The following SLC11A2 variants were observed in gnomAD, a reference collection of about 807,000 sequenced individuals.
The protein encoded by SLC11A2 is natural resistance-associated macrophage protein 2.
In SLC11A2, 38 loss-of-function variants were observed where a neutral mutation model predicts 68.0. That is an observed-to-expected ratio of 0.56 (90% CI 0.43 to 0.73). SLC11A2 has a LOEUF of 0.73. SLC11A2 is among the 30% of genes least tolerant of loss of function. SLC11A2 has a pLI of 0.00. For missense variants in SLC11A2, 517 were observed against 690.5 expected (o/e 0.75, Z 2.82); for synonymous variants, 242 against 250.6 (o/e 0.97, Z 0.32).
intron 2 of SLC11A2, among the ~76,000 whole-genome samples, chr12:51,009,553 A>G (rs896214039): frequency 1.3e-5 from 2 of 152,244 alleles, no homozygotes; most frequent in African/African-American, 4.8e-5. Context: ...GAGCTGACTC[A>G]TATCATCTTA....
At chr12:51,017,526 T>C (rs1462541573) in intron 1 of SLC11A2, among the ~76,000 whole-genome samples, 1 of 152,188 alleles carries the variant, frequency 6.6e-6, no homozygotes, top group Non-Finnish European at 1.5e-5. Context: ...AATGAGGTCA[T>C]GTGAAGGGAA....
At chr12:51,025,170 T>C (rs943396599) in intron 1 of SLC11A2, among the ~76,000 whole-genome samples, 2 of 152,092 alleles carry the variant, frequency 1.3e-5, no homozygotes, top group African/African-American at 2.4e-5. Context: ...CAATGGAAAG[T>C]ATAGGCCGGC....
downstream of SLC11A2, among the ~76,000 whole-genome samples, chr12:50,976,046 C>T (rs1338977186): frequency 6.6e-5 from 10 of 152,156 alleles, no homozygotes; most frequent in South Asian, 2.1e-4. Context: ...GATTCACAGC[C>T]GAATTCTACC....
At chr12:51,007,435 A>G (rs7977740) in intron 3 of SLC11A2, among the ~76,000 whole-genome samples, 68,810 of 151,602 alleles carry the variant, frequency 0.45, 16,904 homozygotes, top group Non-Finnish European at 0.56. Context: ...CCTAGGTTCA[A>G]GTGATTCTCC....
At position 50,992,178 on chromosome 12, in the gene SLC11A2, C is replaced by A; in HGVS notation, c.1347+12G>T. ...GAATAACTAGGATGTGTTTCCTCAG[C>A]TTCCTCCTCACCTGTAAGCTCTGTA... is the stretch of plus-strand genomic sequence containing the variant. On this transcript the variant is annotated intron_variant, in intron 13 of 15. Transcript: ENST00000262052. 1 of 1,613,798 alleles carries A rather than the reference C, an allele frequency of 6.2e-7. No individual in the cohort carries two copies.
At chr12:50,976,653 T>C (rs1475370845), downstream of SLC11A2, among the ~76,000 whole-genome samples, 2 of 152,092 alleles carry the variant, frequency 1.3e-5, no homozygotes, top group East Asian at 1.9e-4. Context: ...CCAGGGCAAT[T>C]AGGCAGGAGA....
rs1262844054 is a variant in SLC11A2, at chr12:50,991,644, G to T, written c.1376C>A (p.Thr459Lys). 6.2e-7 allele frequency: 1 copy of T among 1,613,816 alleles called. No homozygotes were observed. Among genetic ancestry groups the T allele is most frequent in the African/African-American group, 1.3e-5 (1 of 74,926 alleles). ...QLPFALIPILTFTSLRPVMSD... is the reference protein window; with the variant it reads ...QLPFALIPILKFTSLRPVMSD... ...CATTACTGGCCGCAAGCTCGTAAAT[G>T]TGAGGATGGGTATGAGAGCAAAGGG... is the stretch of plus-strand genomic sequence containing the variant. The change falls in exon 14 of 16, where the codon ACA becomes AAA. Residue 459 changes from threonine (T) to lysine (K), a missense_variant. Transcript: ENST00000262052.
chr12:50,964,639 G>A, the SLC11A2 span, among the ~76,000 whole-genome samples: 1 of 152,304 alleles, frequency 6.6e-6, no homozygotes, highest in East Asian at 1.9e-4. Context: ...TGTGGGCCCT[G>A]CCAGGTGAAA....
the SLC11A2 span, among the ~76,000 whole-genome samples, chr12:50,957,937 G>GGTGTGTGTGTGTGT: frequency 0.011 from 1,521 of 132,466 alleles, 30 homozygotes; most frequent in African/African-American, 0.019. Flanking sequence ...ATGAATTGGA[G>GGTGTGTGTGTGTGT]GTGTGTGTGT....
At chr12:50,959,627 AT>A in the SLC11A2 span, among the ~76,000 whole-genome samples, 1 of 151,508 alleles carries the variant, frequency 6.6e-6, no homozygotes, top group Non-Finnish European at 1.5e-5. Flanking sequence ...ATCTGGGTTT[AT>A]TTTTGTCGTT....
rs2239861 is a variant in SLC11A2 at position 51,020,746 on chromosome 12, T to C, written c.-39+5564A>G. 5.6e-3 allele frequency among the ~76,000 whole-genome samples: 859 copies of C among 152,260 alleles called. 4 individuals are homozygous for C. The highest frequency in any genetic ancestry group is 0.035 in the East Asian group (184 of 5,186). ...GTGCCTGTACTGAACATATACACCA[T>C]TTTTTTCTTGGTATTATTCCCTAAA... On this transcript the variant is annotated intron_variant, in intron 1 of 15. Coordinates refer to ENST00000262052, the MANE Select transcript of SLC11A2 (RefSeq NM_000617.3).
chr12:51,018,464 T>C (rs1943816194), intron 1 of SLC11A2, among the ~76,000 whole-genome samples: 1 of 150,526 alleles, frequency 6.6e-6, no homozygotes, highest in Non-Finnish European at 1.5e-5. Flanking sequence ...TATTAATATA[T>C]ACAACTTCAA....
At chr12:51,024,862 C>T (rs796066975) in intron 1 of SLC11A2, 50 of 152,264 alleles carry the variant, frequency 3.3e-4, no homozygotes, top group African/African-American at 1.1e-3. Context: ...CAGAAATTCC[C>T]CTCCCGAGTC....
At chr12:51,005,195 G>A (rs891775127) in intron 4 of SLC11A2, 116 bp downstream of exon 4, 3 of 1,146,482 alleles carry the variant, frequency 2.6e-6, no homozygotes, top group South Asian at 1.2e-5. Context: ...AAGAGCCACT[G>A]CCAATGAAGT....
intron 1 of SLC11A2, among the ~76,000 whole-genome samples, chr12:51,016,752 CAGG>C (rs1331673518): frequency 7.0e-6 from 1 of 143,782 alleles, no homozygotes; most frequent in Non-Finnish European, 1.5e-5. Context: ...GAGGCTGAGG[CAGG>C]AGAATTGCTT....
chr12:51,027,137 T>G (rs1229465671), upstream of SLC11A2, among the ~76,000 whole-genome samples: 1 of 151,244 alleles, frequency 6.6e-6, no homozygotes, highest in African/African-American at 2.4e-5. Context: ...ATCGCGCCAT[T>G]GCACTCCAGC....
the SLC11A2 span, among the ~76,000 whole-genome samples, chr12:50,973,047 T>C: frequency 1.2e-4 from 18 of 152,324 alleles, no homozygotes; most frequent in African/African-American, 4.3e-4. Flanking sequence ...CCTGCCTCTG[T>C]AGACTCCACC....
At chr12:50,993,212 AG>A (rs1407808932) in intron 11 of SLC11A2, 7 of 317,202 alleles carry the variant, frequency 2.2e-5, no homozygotes, top group African/African-American at 1.6e-4. Flanking sequence ...AAAAAAAAAA[AG>A]AGGTCTACAC....
At position 50,986,944 on chromosome 12, in the gene SLC11A2, A is replaced by G. The variant is rs142166519; in HGVS notation, c.*1381T>C. 330 of 1,287,246 alleles carry G rather than the reference A, an allele frequency of 2.6e-4. 1 individual carries two copies. In the African/African-American group the frequency reaches 4.2e-3, roughly 16 times the overall value. 79.7% of individuals were successfully genotyped at this position (1,287,246 alleles called of 1,614,324 possible). A position where few individuals can be genotyped will look rare whatever the true frequency, so the allele number is the denominator to read the frequency against. Reference sequence around the variant, plus strand: ...CTCTGGAAGGAAAGCTCCAAAAATGAGAAGTCCTTCAACACCATTTTCCAT... The same window carrying G: ...CTCTGGAAGGAAAGCTCCAAAAATGGGAAGTCCTTCAACACCATTTTCCAT... On this transcript the variant is annotated 3_prime_UTR_variant, in exon 16 of 16. Coordinates refer to ENST00000262052, the MANE Select transcript of SLC11A2 (RefSeq NM_000617.3).
Sources: allele counts gnomAD v4.1 joint callset (sites outside exome capture counted in the v4.1 genomes callset), GRCh38; gene constraint gnomAD v4.1.1; transcripts MANE v1.5; gene names NCBI Gene and HGNC (gene_info 2026-07-23, HGNC 2026-07-21).